The following SNX6 variants were observed in gnomAD, a reference collection of about 807,000 sequenced individuals.
SNX6 encodes the protein sorting nexin 6, also known as sorting nexin-6.
A neutral mutation model predicts 63.0 loss-of-function variants in SNX6; 34 were observed. The ratio of observed to expected loss-of-function variants is 0.54; its 90% confidence interval spans 0.41 to 0.72. The LOEUF (loss-of-function observed/expected upper bound fraction) is 0.72, where lower values mean the gene tolerates loss of function less well. Ranked by LOEUF, SNX6 falls within the 30% of genes least tolerant of loss-of-function variation. The probability of loss-of-function intolerance (pLI) is 0.00; values close to 1 mark genes in which losing one functional copy is unlikely to be tolerated. For missense variants in SNX6, 398 were observed against 471.4 expected (o/e 0.84, Z 1.44); for synonymous variants, 170 against 164.2 (o/e 1.04, Z -0.27).
intron 2 of SNX6, among the ~76,000 whole-genome samples, chr14:34,623,073 CTG>C (rs1883686843): frequency 6.6e-6 from 1 of 152,200 alleles, no homozygotes; most frequent in Non-Finnish European, 1.5e-5. Flanking sequence ...CTTCACTACA[CTG>C]TGATGGTCTC....
At chr14:34,564,166 T>C (rs1342152062) in intron 13 of SNX6, among the ~76,000 whole-genome samples, 1 of 152,092 alleles carries the variant, frequency 6.6e-6, no homozygotes, top group Non-Finnish European at 1.5e-5. Flanking sequence ...TAGCTGAGAT[T>C]ACAGGCGCGT....
chr14:34,576,309 C>T (rs947847598), intron 10 of SNX6, among the ~76,000 whole-genome samples: 6 of 151,800 alleles, frequency 4.0e-5, no homozygotes, highest in African/African-American at 1.5e-4. Context: ...CTATAGTATC[C>T]ATTCCTATTT....
intron 11 of SNX6, among the ~76,000 whole-genome samples, 165 bp from the exon 12 acceptor site, chr14:34,568,178 CTT>C (rs1881277316): frequency 6.8e-6 from 1 of 146,084 alleles, no homozygotes; most frequent in South Asian, 2.1e-4. Context: ...GAGTTTTGCT[CTT>C]GTGGCCCAGG....
At chr14:34,629,559 T>C in intron 2 of SNX6, 2 of 567,746 alleles carry the variant, frequency 3.5e-6, no homozygotes, top group South Asian at 3.1e-5. Flanking sequence ...GAGAATGGGT[T>C]TTCATGGCCC....
chr14:34,618,186 TATG>T (rs1031171875), intron 2 of SNX6, among the ~76,000 whole-genome samples: 22 of 152,178 alleles, frequency 1.4e-4, no homozygotes, highest in African/African-American at 4.8e-4. Context: ...GGGCCACTAC[TATG>T]ATATCATTAA....
intron 2 of SNX6, among the ~76,000 whole-genome samples, chr14:34,614,728 G>A (rs1883355949): frequency 6.6e-6 from 1 of 152,104 alleles, no homozygotes; most frequent in South Asian, 2.1e-4. Flanking sequence ...GACCAGCCTG[G>A]GCAACATAGC....
At chr14:34,586,462 T>TG in intron 8 of SNX6, 157 bp from the exon 9 acceptor site, 1 of 408,770 alleles carries the variant, frequency 2.4e-6, no homozygotes, top group South Asian at 3.3e-5. Context: ...ATCCCAACAC[T>TG]TTGGGAGGCT....
At chr14:34,619,062 C>A (rs1883528009) in intron 2 of SNX6, among the ~76,000 whole-genome samples, 1 of 152,018 alleles carries the variant, frequency 6.6e-6, no homozygotes, top group South Asian at 2.1e-4. Flanking sequence ...AGGTGGTAAC[C>A]ACAACTGGGC....
At chr14:34,604,769 A>C (rs1353709003) in intron 5 of SNX6, among the ~76,000 whole-genome samples, 1 of 152,140 alleles carries the variant, frequency 6.6e-6, no homozygotes, top group Non-Finnish European at 1.5e-5. Flanking sequence ...TTTTTAAATA[A>C]AGACATGATG....
chr14:34,615,597 C>T (rs1344098265), intron 2 of SNX6, among the ~76,000 whole-genome samples: 2 of 152,130 alleles, frequency 1.3e-5, no homozygotes, highest in African/African-American at 4.8e-5. Flanking sequence ...ACTCAATCTA[C>T]CATTTGTCTT....
intron 10 of SNX6, among the ~76,000 whole-genome samples, chr14:34,580,843 C>T (rs184953431): frequency 6.6e-6 from 1 of 151,892 alleles, no homozygotes; most frequent in African/African-American, 2.4e-5. Context: ...TTTGTAGAGG[C>T]AGCGTCTTGC....
intron 9 of SNX6, among the ~76,000 whole-genome samples, chr14:34,583,095 A>G (rs1445834158): frequency 6.6e-6 from 1 of 152,128 alleles, no homozygotes; most frequent in African/African-American, 2.4e-5. Context: ...TCATGAGGTC[A>G]GGAGATCGAG....
intron 10 of SNX6, among the ~76,000 whole-genome samples, chr14:34,580,829 A>G (rs961842190): frequency 1.3e-5 from 2 of 151,536 alleles, no homozygotes; most frequent in Admixed American, 1.3e-4. Flanking sequence ...TAATTTTTAA[A>G]CGTTTTGTAG....
rs1295583062 is a variant in SNX6 at position 34,575,187 on chromosome 14, CT to C, written c.921+568del. ...TAATTAGAGGCATGAGCCACCACCC[CT>C]GGCCTCAATTTTTTTTTTTTTTTTT... is the stretch of plus-strand genomic sequence containing the variant. On this transcript the variant is annotated intron_variant, in intron 11 of 13. Coordinates refer to ENST00000362031, the MANE Select transcript of SNX6 (RefSeq NM_152233.4). Among the ~76,000 whole-genome samples, 6 of 142,502 alleles carry C rather than the reference CT, an allele frequency of 4.2e-5. No homozygotes were observed. The East Asian group carries it at 6.4e-4, about 15-fold the overall frequency. The allele number at this position is 142,502 out of a possible 152,430, so 93.5% of individuals were successfully genotyped here.
At chr14:34,592,925 T>C (rs1341837462) in intron 8 of SNX6, 120 bp downstream of exon 8, 1 of 706,912 alleles carries the variant, frequency 1.4e-6, no homozygotes, top group East Asian at 3.0e-5. Flanking sequence ...CCATGGAGCC[T>C]AGGCTCCAAC....
chr14:34,565,706 T>C (rs1881150180), intron 13 of SNX6, among the ~76,000 whole-genome samples: 1 of 149,412 alleles, frequency 6.7e-6, no homozygotes, highest in African/African-American at 2.5e-5. Context: ...CTTTTTTATT[T>C]TGAGACGGAG....
At chr14:34,609,140 A>C (rs983990732) in intron 3 of SNX6, among the ~76,000 whole-genome samples, 1 of 152,032 alleles carries the variant, frequency 6.6e-6, no homozygotes, top group Non-Finnish European at 1.5e-5. Context: ...TTTGGAAAAA[A>C]ATTAAATTTG....
At chr14:34,606,642 C>T (rs934288563) in intron 4 of SNX6, among the ~76,000 whole-genome samples, 5 of 151,858 alleles carry the variant, frequency 3.3e-5, no homozygotes, top group Non-Finnish European at 7.4e-5. Context: ...AGTAGAGATG[C>T]GGTTTCTCCA....
In SNX6 at chr14:34,608,157, T is replaced by A; in HGVS notation, c.160-17A>T. 6.9e-7 allele frequency: 1 copy of A among 1,441,884 alleles called. No individual in the cohort carries two copies. Among genetic ancestry groups the A allele is most frequent in the Non-Finnish European group, 9.6e-7 (1 of 1,043,818 alleles). The allele number at this position is 1,441,884 out of a possible 1,614,324, so 89.3% of individuals were successfully genotyped here. On this transcript the variant is annotated splice_polypyrimidine_tract_variant and intron_variant, in intron 3 of 13. Transcript: ENST00000362031. Reference sequence around the variant, plus strand: ...CAATGAACTCTGTAAAGATAGAGATTTTCTTGAATAAAAATCAAATTTACA... The same window carrying A: ...CAATGAACTCTGTAAAGATAGAGATATTCTTGAATAAAAATCAAATTTACA...
Sources: allele counts gnomAD v4.1 joint callset (sites outside exome capture counted in the v4.1 genomes callset), GRCh38; gene constraint gnomAD v4.1.1; transcripts MANE v1.5; gene names NCBI Gene and HGNC (gene_info 2026-07-23, HGNC 2026-07-21).